NXPE2: variants seen among roughly 807,000 people sequenced by gnomAD.
The protein encoded by NXPE2 is neurexophilin and PC-esterase domain family member 2, also known as NXPE family member 2.
A neutral mutation model predicts 34.4 loss-of-function variants in NXPE2; 34 were observed. That is an observed-to-expected ratio of 0.99 (90% CI 0.75 to 1.31). The LOEUF (loss-of-function observed/expected upper bound fraction) is 1.31. Ranked by LOEUF, NXPE2 falls within the 40% of genes most tolerant of loss-of-function variation. The pLI is 0.00. For synonymous variants in NXPE2, 235 were observed against 231.3 expected (o/e 1.02, Z -0.15); for missense variants, 649 against 672.5 (o/e 0.97, Z 0.39).
the NXPE2 span, among the ~76,000 whole-genome samples, chr11:114,740,861 A>G: frequency 2.6e-5 from 4 of 152,212 alleles, no homozygotes; most frequent in Non-Finnish European, 5.9e-5. Flanking sequence ...TACTGGGTGC[A>G]TATGTATGTA....
At chr11:114,528,437 C>T in the NXPE2 span, among the ~76,000 whole-genome samples, 1 of 152,088 alleles carries the variant, frequency 6.6e-6, no homozygotes, top group Non-Finnish European at 1.5e-5. Context: ...TATCAGAGGG[C>T]CTCTGCTTCA....
At chr11:114,769,381 A>C in the NXPE2 span, among the ~76,000 whole-genome samples, 506 of 152,346 alleles carry the variant, frequency 3.3e-3, 3 homozygotes, top group African/African-American at 0.012. Context: ...AATTAGTTCA[A>C]CCATTGTGGA....
At chr11:114,483,682 A>G in the NXPE2 span, among the ~76,000 whole-genome samples, 5 of 152,202 alleles carry the variant, frequency 3.3e-5, no homozygotes, top group African/African-American at 9.7e-5. Flanking sequence ...ATCCCAGGCA[A>G]TAGTCTATTA....
the NXPE2 span, among the ~76,000 whole-genome samples, chr11:114,485,816 C>G: frequency 6.6e-6 from 1 of 152,164 alleles, no homozygotes. Flanking sequence ...CCTGATGTTG[C>G]AAATGACAGG....
At chr11:114,696,346 A>C (rs923455844) in intron 2 of NXPE2, among the ~76,000 whole-genome samples, 7 of 148,028 alleles carry the variant, frequency 4.7e-5, no homozygotes, top group South Asian at 4.3e-4. Context: ...AAACCAAAAA[A>C]AAAAAAAAAA....
intron 2 of NXPE2, among the ~76,000 whole-genome samples, chr11:114,690,143 T>C (rs971826962): frequency 6.6e-6 from 1 of 152,168 alleles, no homozygotes; most frequent in African/African-American, 2.4e-5. Context: ...TGTTGTTGGC[T>C]AGTTGCTTTG....
At chr11:114,594,822 GCAAA>G in the NXPE2 span, 4 of 928,784 alleles carry the variant, frequency 4.3e-6, no homozygotes, top group African/African-American at 6.7e-5. Flanking sequence ...AAACAGAAAA[GCAAA>G]CAAACATGGG....
In NXPE2 at chr11:114,698,774, C is replaced by T. The variant is rs531179938; in HGVS notation, c.862C>T (p.His288Tyr). 36 of 1,545,086 alleles carry T rather than the reference C, an allele frequency of 2.3e-5. No individual in the cohort carries two copies. The Admixed American group carries it at 5.5e-4, about 23-fold the overall frequency. Residue 288 changes from histidine to tyrosine, a missense_variant, in exon 3 of 6, where the codon CAC becomes TAC. Physicochemically the swap from His to Tyr is moderately conservative, Grantham distance 83. Transcript: ENST00000389586. ...TAGCAAGGAAGAATGGAGGCTTTTC[C>T]ACAGGTAAAGAGGCTTTTAAATACA... Reference protein sequence around the residue: ...YLSKEEWRLFHRSNIGVEMMK... With the variant: ...YLSKEEWRLFYRSNIGVEMMK...
chr11:114,807,220 C>A, the NXPE2 span, among the ~76,000 whole-genome samples: 1 of 151,318 alleles, frequency 6.6e-6, no homozygotes, highest in South Asian at 2.1e-4. Flanking sequence ...ACAACCAGTA[C>A]CAGCCACTGC....
At chr11:114,660,695 G>A in the NXPE2 span, among the ~76,000 whole-genome samples, 1 of 151,820 alleles carries the variant, frequency 6.6e-6, no homozygotes, top group African/African-American at 2.4e-5. Flanking sequence ...CCAAGATAAG[G>A]AAAAAAATCA....
At chr11:114,546,355 A>T in the NXPE2 span, among the ~76,000 whole-genome samples, 1 of 152,184 alleles carries the variant, frequency 6.6e-6, no homozygotes, top group South Asian at 2.1e-4. Context: ...GATGAGAGAA[A>T]TATCAGTATG....
At chr11:114,771,490 A>G in the NXPE2 span, among the ~76,000 whole-genome samples, 1 of 151,824 alleles carries the variant, frequency 6.6e-6, no homozygotes, top group Non-Finnish European at 1.5e-5. Context: ...GGCCTTCCTT[A>G]AAGGTGAGAA....
chr11:114,502,934 G>A, the NXPE2 span, among the ~76,000 whole-genome samples: 2 of 152,144 alleles, frequency 1.3e-5, no homozygotes, highest in African/African-American at 2.4e-5. Flanking sequence ...ACTGGGAGTG[G>A]CTAGGAGTGG....
the NXPE2 span, among the ~76,000 whole-genome samples, chr11:114,791,947 A>G: frequency 2.6e-5 from 4 of 152,028 alleles, no homozygotes; most frequent in Admixed American, 2.6e-4. Flanking sequence ...AGTCACAGCT[A>G]CTCGGGAGGC....
At chr11:114,646,072 C>CA in the NXPE2 span, among the ~76,000 whole-genome samples, 1 of 152,048 alleles carries the variant, frequency 6.6e-6, no homozygotes, top group African/African-American at 2.4e-5. Flanking sequence ...CAAATAATGA[C>CA]AACTTGTGAC....
the NXPE2 span, among the ~76,000 whole-genome samples, chr11:114,601,358 C>A: frequency 6.8e-6 from 1 of 146,330 alleles, no homozygotes; most frequent in South Asian, 2.1e-4. Flanking sequence ...GTTTTCATTC[C>A]TGAGTTATGT....
the NXPE2 span, among the ~76,000 whole-genome samples, chr11:114,602,120 A>G: frequency 9.8e-6 from 1 of 101,780 alleles, no homozygotes; most frequent in African/African-American, 4.1e-5. Context: ...ATATAATTAT[A>G]TATATTATAC....
At chr11:114,480,496 C>T in the NXPE2 span, among the ~76,000 whole-genome samples, 3 of 152,132 alleles carry the variant, frequency 2.0e-5, no homozygotes, top group Admixed American at 6.5e-5. Context: ...GAGAGCTTTT[C>T]TGAAGAAGGA....
chr11:114,567,890 C>T, the NXPE2 span, among the ~76,000 whole-genome samples: 1,667 of 152,038 alleles, frequency 0.011, 26 homozygotes, highest in African/African-American at 0.038. Flanking sequence ...TTTAAGAATC[C>T]ATTCAGCTCC....
Sources: gnomAD v4.1 joint callset for allele counts (sites outside exome capture counted in the v4.1 genomes callset) on GRCh38, gnomAD v4.1.1 for gene constraint, MANE v1.5 for transcripts, NCBI Gene and HGNC (gene_info 2026-07-23, HGNC 2026-07-21) for gene names.